NRXN3: variants seen among roughly 807,000 people sequenced by gnomAD.
NRXN3 encodes neurexin III.
Under a neutral mutation model 137.6 loss-of-function variants are expected in NRXN3, and 32 were observed. The observed-to-expected ratio is 0.23, with a 90% confidence interval of 0.18 to 0.31. NRXN3 has a LOEUF of 0.31. Ranked by LOEUF, NRXN3 falls within the 10% of genes least tolerant of loss-of-function variation. The pLI, the probability that NRXN3 is intolerant of heterozygous loss-of-function variation, is 1.00. For missense variants in NRXN3, 1,574 were observed against 2,062.5 expected (o/e 0.76, Z 4.59); for synonymous variants, 798 against 784.5 (o/e 1.02, Z -0.29).
intron 15 of NRXN3, among the ~76,000 whole-genome samples, chr14:79,028,211 A>C (rs549683859): frequency 1.1e-4 from 16 of 152,278 alleles, no homozygotes; most frequent in African/African-American, 3.8e-4. Context: ...TTTGGAAAAC[A>C]TGGTGAGCCT....
At chr14:78,784,112 C>T (rs529663647) in intron 8 of NRXN3, among the ~76,000 whole-genome samples, 64 of 149,574 alleles carry the variant, frequency 4.3e-4, no homozygotes, top group Non-Finnish European at 7.5e-4. Flanking sequence ...TAGATATTTT[C>T]GGTGTTGTCA....
chr14:78,963,284 G>A (rs755119709), intron 11 of NRXN3, among the ~76,000 whole-genome samples: 60 of 151,978 alleles, frequency 3.9e-4, no homozygotes, highest in Non-Finnish European at 1.3e-4. Context: ...CTTTAAAATT[G>A]TTTCTTCAGA....
At chr14:78,836,825 A>T (rs2098998363) in intron 10 of NRXN3, among the ~76,000 whole-genome samples, 1 of 152,180 alleles carries the variant, frequency 6.6e-6, no homozygotes, top group South Asian at 2.1e-4. Flanking sequence ...CTGAGGAGAT[A>T]ATAGACTATG....
At chr14:78,862,779 A>G (rs2099076196) in intron 10 of NRXN3, among the ~76,000 whole-genome samples, 1 of 152,192 alleles carries the variant, frequency 6.6e-6, no homozygotes, top group African/African-American at 2.4e-5. Context: ...TTAGTGGGAA[A>G]TATGTTTTCT....
intron 15 of NRXN3, among the ~76,000 whole-genome samples, chr14:79,464,272 T>C (rs187696602): frequency 1.3e-5 from 2 of 152,318 alleles, no homozygotes; most frequent in East Asian, 3.9e-4. Context: ...GTATCTTTTA[T>C]GCTTTCTTCA....
intron 4 of NRXN3, among the ~76,000 whole-genome samples, chr14:78,485,594 A>G (rs2095548801): frequency 6.6e-6 from 1 of 152,236 alleles, no homozygotes; most frequent in African/African-American, 2.4e-5. Flanking sequence ...TTACATCAGC[A>G]TTGTTTCACT....
At chr14:78,954,942 G>C (rs753828505) in intron 10 of NRXN3, among the ~76,000 whole-genome samples, 20 of 152,068 alleles carry the variant, frequency 1.3e-4, no homozygotes, top group Non-Finnish European at 5.9e-5. Flanking sequence ...CTGAGAGAAA[G>C]CTCGTTTTAT....
chr14:78,280,024 A>G (rs2074177194), intron 3 of NRXN3, among the ~76,000 whole-genome samples: 1 of 152,174 alleles, frequency 6.6e-6, no homozygotes, highest in Admixed American at 6.5e-5. Context: ...GTTTGAACCA[A>G]AGCCCAGGAC....
intron 15 of NRXN3, among the ~76,000 whole-genome samples, chr14:78,995,738 C>G (rs2099528694): frequency 2.0e-5 from 3 of 152,084 alleles, no homozygotes; most frequent in Admixed American, 2.0e-4. Flanking sequence ...GAATGTGTGT[C>G]AAATTTATTT....
Position 79,640,680 on chromosome 14 carries a change from A to G in NRXN3, c.3445-23098A>G, listed in dbSNP as rs892686164. Among the ~76,000 whole-genome samples the G allele has an allele frequency of 8.1e-5, 11 of 135,950 alleles. 1 individual carries two copies. The highest frequency in any genetic ancestry group is 2.7e-4 in the African/African-American group (11 of 40,850). The allele number at this position is 135,950 out of a possible 152,430, so 89.2% of individuals were successfully genotyped here. On this transcript the variant is annotated intron_variant, in intron 16 of 20. Coordinates refer to ENST00000335750, the MANE Select transcript of NRXN3 (RefSeq NM_001330195.2). ...GGAAATTAAGTTTCCTACAAAATAT[A>G]TGCTCTTCAAAAGCTCTCTCGGCTT...
intron 17 of NRXN3, among the ~76,000 whole-genome samples, chr14:79,690,084 C>G (rs142109829): frequency 6.6e-6 from 1 of 152,260 alleles, no homozygotes; most frequent in Admixed American, 6.5e-5. Context: ...GCAGATCTGG[C>G]GCAAGCCAAT....
intron 15 of NRXN3, among the ~76,000 whole-genome samples, chr14:79,141,240 T>C (rs1486246606): frequency 6.6e-6 from 1 of 152,196 alleles, no homozygotes; most frequent in African/African-American, 2.4e-5. Context: ...TCAAGCTGTC[T>C]CCATTGATTT....
intron 15 of NRXN3, among the ~76,000 whole-genome samples, chr14:79,247,906 A>G (rs868081901): frequency 6.6e-6 from 1 of 151,780 alleles, no homozygotes; most frequent in Non-Finnish European, 1.5e-5. Flanking sequence ...TAAAAAAAAA[A>G]CACTCTAAAT....
intron 4 of NRXN3, among the ~76,000 whole-genome samples, chr14:78,592,190 C>T (rs1316714306): frequency 1.3e-5 from 2 of 151,976 alleles, no homozygotes; most frequent in South Asian, 2.1e-4. Context: ...CTAACTGAAC[C>T]ATCTTTTCTT....
At chr14:79,300,007 A>G (rs1471378527) in intron 15 of NRXN3, among the ~76,000 whole-genome samples, 2 of 152,060 alleles carry the variant, frequency 1.3e-5, no homozygotes, top group African/African-American at 4.8e-5. Context: ...CCTGCGTTGG[A>G]AAATCTAACA....
chr14:79,706,419 CTTTTTT>C lies in NRXN3; in HGVS notation c.4014+8497_4014+8502del, dbSNP rs919138966. On this transcript the variant is annotated intron_variant, in intron 19 of 20. Transcript: ENST00000335750. ...GGAAAATTAACTTGAGGCTTTTTTA[CTTTTTT>C]TTTTTTTTTTTTTTGGTCTGTTGAG... Among the ~76,000 whole-genome samples, 14 of 115,988 alleles carry C rather than the reference CTTTTTT, an allele frequency of 1.2e-4. 1 individual carries two copies. The South Asian group carries it at 2.6e-3, about 22-fold the overall frequency. 76.1% of individuals were successfully genotyped at this position (115,988 alleles called of 152,430 possible).
chr14:79,797,696 A>G (rs778808266), intron 19 of NRXN3, among the ~76,000 whole-genome samples: 9 of 152,172 alleles, frequency 5.9e-5, no homozygotes, highest in Non-Finnish European at 1.0e-4. Flanking sequence ...TTGTTTCTGT[A>G]TTGGGCTTAA....
intron 8 of NRXN3, among the ~76,000 whole-genome samples, chr14:78,778,754 CTT>C (rs1567285652): frequency 5.7e-5 from 6 of 105,182 alleles, no homozygotes; most frequent in African/African-American, 1.9e-4. Flanking sequence ...TTCTTTCCTT[CTT>C]TCTCTTTCTT....
chr14:79,067,512 A>C (rs1469776993), intron 15 of NRXN3, among the ~76,000 whole-genome samples: 3 of 151,940 alleles, frequency 2.0e-5, no homozygotes, highest in Non-Finnish European at 4.4e-5. Flanking sequence ...CTCCTCTTCA[A>C]TTTTTTGAAT....
Sources: allele counts gnomAD v4.1 joint callset (sites outside exome capture counted in the v4.1 genomes callset), GRCh38; gene constraint gnomAD v4.1.1; transcripts MANE v1.5; gene names NCBI Gene and HGNC (gene_info 2026-07-23, HGNC 2026-07-21).